HMCN1: variants seen among roughly 807,000 people sequenced by gnomAD.
HMCN1 encodes hemicentin 1.
Under a neutral mutation model 625.9 loss-of-function variants are expected in HMCN1, and 321 were observed. The ratio of observed to expected loss-of-function variants is 0.51; its 90% CI spans 0.47 to 0.56. HMCN1 has a LOEUF of 0.56. Among genes scored for constraint, HMCN1 ranks in the 20% least tolerant of loss-of-function variants. The pLI is 0.00. For synonymous variants in HMCN1, 2,425 were observed against 2,417.6 expected (o/e 1.00, Z -0.09); for missense variants, 6,588 against 6,887.3 (o/e 0.96, Z 1.54).
In HMCN1 at chr1:186,125,509, C is replaced by T. The variant is rs867672370; in HGVS notation, c.12500-95C>T. 7.7e-6 allele frequency: 7 copies of T among 905,096 alleles called. No homozygotes were observed. In the Middle Eastern group the frequency reaches 1.5e-3, roughly 198 times the overall value. The allele number at this position is 905,096 out of a possible 1,614,324, so 56.1% of individuals were successfully genotyped here. On this transcript the variant is annotated intron_variant, in intron 81 of 106. Coordinates refer to ENST00000271588, the MANE Select transcript of HMCN1 (RefSeq NM_031935.3). ...ATTTTTAGTATTTCTAGCAAAATTA[C>T]CCTGAAAAGAGTTTTTTATGTGTTA...
Position 185,742,163 on chromosome 1 carries a change from C to T in HMCN1, c.268+7116C>T, listed in dbSNP as rs189170998. On this transcript the variant is annotated intron_variant, in intron 1 of 106. Transcript: ENST00000271588. Reference sequence around the variant, plus strand: ...CTTCAGCAAATCTTTTAACCTTGCTCGACCGTCTGTTTCTCCATCTATAAA... The same window carrying T: ...CTTCAGCAAATCTTTTAACCTTGCTTGACCGTCTGTTTCTCCATCTATAAA... Among the ~76,000 whole-genome samples the T allele has an allele frequency of 2.4e-3, 367 of 152,164 alleles. 5 individuals are homozygous for T. The highest frequency in any genetic ancestry group is 8.5e-3 in the African/African-American group (354 of 41,500).
At position 186,160,536 on chromosome 1, in the gene HMCN1, C is replaced by G. The variant is rs544983084; in HGVS notation, c.15257-4575C>G. ...TTAGGGTGTCAATTTTGGATCTTTC[C>G]TGCTTTCTCTTGTGGGCATTTAGTG... On this transcript the variant is annotated intron_variant, in intron 97 of 106. Transcript: ENST00000271588. Among the ~76,000 whole-genome samples, 8 of 151,558 alleles carry G rather than the reference C, an allele frequency of 5.3e-5. No homozygotes were observed. The South Asian group carries it at 1.7e-3, about 32-fold the overall frequency.
chr1:185,949,115 C>T (rs1314140939), intron 11 of HMCN1, among the ~76,000 whole-genome samples: 3 of 151,826 alleles, frequency 2.0e-5, no homozygotes, highest in East Asian at 1.9e-4. Flanking sequence ...ATAGTCCTGC[C>T]AGCAAAGATT....
chr1:186,001,418 A>T lies in HMCN1; in HGVS notation c.4190A>T (p.Asp1397Val), dbSNP rs749666818. ...TPSPIIMWYKDNVQVTESSTI... is the reference protein window; with the variant it reads ...TPSPIIMWYKVNVQVTESSTI... ...TCTCCCATCATTATGTGGTATAAAG[A>T]TAATGTCCAGGTAAATAGAGTCATC... is the stretch of plus-strand genomic sequence containing the variant. Residue 1397 changes from aspartate to valine, a missense_variant, in exon 27 of 107, where the codon GAT becomes GTT. Transcript: ENST00000271588. The T allele has an allele frequency of 1.2e-6, 2 of 1,612,796 alleles. No individual in the cohort carries two copies. The highest frequency in any genetic ancestry group is 1.7e-6 in the Non-Finnish European group (2 of 1,179,054).
chr1:185,891,115 C>T (rs1665044850), intron 4 of HMCN1, among the ~76,000 whole-genome samples: 1 of 96,298 alleles, frequency 1.0e-5, no homozygotes, highest in Admixed American at 1.1e-4. Flanking sequence ...TCTGTTTTAT[C>T]AGAGACTAGG....
rs1450967558 is a variant in HMCN1 at position 186,132,595 on chromosome 1, TTCTC to T, written c.13312+188_13312+191del. On this transcript the variant is annotated intron_variant, in intron 86 of 106. Transcript: ENST00000271588. ...TAAATCTGATAACACACAGATATTT[TTCTC>T]TATTTTATCTAACGTATATAGTATA... 3.9e-5 allele frequency among the ~76,000 whole-genome samples: 6 copies of T among 152,324 alleles called. No homozygotes were observed. In the East Asian group the frequency reaches 1.2e-3, roughly 29 times the overall value.
At chr1:185,865,895 C>T (rs768044603) in intron 4 of HMCN1, 32 bp downstream of exon 4, 13 of 1,607,846 alleles carry the variant, frequency 8.1e-6, no homozygotes, top group Middle Eastern at 3.3e-4. Flanking sequence ...TACTTTATTA[C>T]CAGCTGCCTT....
At chr1:186,172,659 A>T (rs1306121275) in intron 102 of HMCN1, among the ~76,000 whole-genome samples, 1 of 152,196 alleles carries the variant, frequency 6.6e-6, no homozygotes, top group African/African-American at 2.4e-5. Flanking sequence ...TGTTCTGTGT[A>T]TGTCTAGGCT....
chr1:186,017,003 C>A lies in HMCN1; in HGVS notation c.5232C>A (p.Phe1744Leu). Residue 1744 changes from phenylalanine (F) to leucine (L), a missense_variant, in exon 33 of 107, where the codon TTC becomes TTA. Transcript: ENST00000271588. ...AAGGAGGAGATGAAACATCTTACTT[C>A]ATTGTGATGGTTAATAACTTACTGG... The part of the protein sequence containing the change: ...AIEGGDETSY[F>L]IVMVNNLLEL... 6.2e-7 allele frequency: 1 copy of A among 1,609,398 alleles called. No individual in the cohort carries two copies. The highest frequency in any genetic ancestry group is 1.3e-5 in the African/African-American group (1 of 74,886).
intron 1 of HMCN1, among the ~76,000 whole-genome samples, chr1:185,778,768 C>A (rs1656816697): frequency 6.6e-6 from 1 of 152,012 alleles, no homozygotes; most frequent in Admixed American, 6.6e-5. Context: ...GGGTTGGTTC[C>A]AAGTCTTTGC....
chr1:186,171,283 G>C, intron 100 of HMCN1, 54 bp from the exon 101 acceptor site: 2 of 1,214,052 alleles, frequency 1.6e-6, no homozygotes, highest in South Asian at 2.4e-5. Context: ...AAACATTTGG[G>C]ATAAATTCAG....
intron 1 of HMCN1, among the ~76,000 whole-genome samples, chr1:185,743,977 G>GTT (rs1557935699): frequency 7.0e-5 from 7 of 99,770 alleles, no homozygotes; most frequent in East Asian, 2.4e-4. Context: ...TGACTTTACT[G>GTT]TTTTGTTTTT....
rs371101620 is a variant in HMCN1, at chr1:186,119,330, G to A, written c.11956+32G>A. On this transcript the variant is annotated intron_variant, in intron 78 of 106. Transcript: ENST00000271588. ...AAGGCTATTTACTCATTCAAAGTTC[G>A]CTGGGTTTGGGGAGGTTTTTTAGTC... The A allele has an allele frequency of 3.2e-5, 49 of 1,534,878 alleles. 1 individual carries two copies. The South Asian group carries it at 3.8e-4, about 12-fold the overall frequency.
At chr1:186,180,053 C>A (rs976468395) in intron 104 of HMCN1, among the ~76,000 whole-genome samples, 12 of 152,172 alleles carry the variant, frequency 7.9e-5, no homozygotes, top group African/African-American at 2.9e-4. Flanking sequence ...GTGCTCATTT[C>A]TTCTACCACC....
intron 85 of HMCN1, among the ~76,000 whole-genome samples, chr1:186,131,407 C>T (rs1244629475): frequency 6.6e-6 from 1 of 152,044 alleles, no homozygotes; most frequent in Non-Finnish European, 1.5e-5. Flanking sequence ...TACCACTTTT[C>T]CCTTTTCCTC....
intron 1 of HMCN1, among the ~76,000 whole-genome samples, chr1:185,834,902 T>G (rs1253794659): frequency 1.3e-5 from 2 of 152,140 alleles, no homozygotes; most frequent in East Asian, 1.9e-4. Context: ...AAGTAAGATG[T>G]GATAAGTAAA....
intron 1 of HMCN1, among the ~76,000 whole-genome samples, chr1:185,772,287 C>CT (rs1383408364): frequency 6.6e-6 from 1 of 152,052 alleles, no homozygotes; most frequent in Non-Finnish European, 1.5e-5. Context: ...CAGATTTGTC[C>CT]TTTAAAAGAT....
At position 186,189,678 on chromosome 1, in the gene HMCN1, C is replaced by T. The variant is rs758716527; in HGVS notation, c.16708C>T (p.Leu5570Phe). The T allele has an allele frequency of 6.8e-6, 11 of 1,612,466 alleles. No homozygotes were observed. In the Admixed American group the frequency reaches 1.0e-4, roughly 15 times the overall value. ...DGVMHPRTTF[L>F]MVDEEQTVPF... ...AGTGATGCATCCCAGGACAACTTTC[C>T]TCATGGTAGATGAGGAACAGACTGT... The change falls in exon 107 of 107, where the codon CTC becomes TTC. Residue 5570 changes from leucine to phenylalanine, a missense_variant. Leu to Phe is a conservative substitution (Grantham distance 22, BLOSUM62 0). Transcript: ENST00000271588.
Position 185,923,554 on chromosome 1 carries a change from C to T in HMCN1, c.1186C>T (p.Pro396Ser). 6.2e-7 allele frequency: 1 copy of T among 1,610,776 alleles called. No homozygotes were observed. The highest frequency in any genetic ancestry group is 1.3e-5 in the African/African-American group (1 of 74,924). Residue 396 changes from proline (P) to serine (S), a missense_variant, in exon 8 of 107, where the codon CCA becomes TCA. Pro to Ser is a moderately conservative substitution (Grantham distance 74). Transcript: ENST00000271588. ...CATATGGAATATTTCTGACTTTGTA[C>T]CACCAAATGAAGCTTTCTTTCTCAA... ...YGIWNISDFV[P>S]PNEAFFLKVT... is the part of the protein sequence containing the mutation.
Sources: gnomAD v4.1 joint callset for allele counts (sites outside exome capture counted in the v4.1 genomes callset) on GRCh38, gnomAD v4.1.1 for gene constraint, MANE v1.5 for transcripts, NCBI Gene and HGNC (gene_info 2026-07-23, HGNC 2026-07-21) for gene names.